Variants in COL4A1 observed in about 807,000 individuals in gnomAD.
The protein encoded by COL4A1 is collagen type IV alpha 1 chain, also known as collagen alpha-1(IV) chain.
In COL4A1, 40 loss-of-function variants were observed where a neutral mutation model predicts 216.6. The observed-to-expected ratio is 0.18, with a 90% CI of 0.14 to 0.24. The LOEUF is 0.24. Ranked by LOEUF, COL4A1 falls within the 10% of genes least tolerant of loss-of-function variation. The pLI is 1.00. For synonymous variants in COL4A1, 839 were observed against 810.7 expected, an observed-to-expected ratio of 1.03 and a Z score of -0.59; for missense variants, 1,628 against 2,196.8, an observed-to-expected ratio of 0.74 and a Z score of 5.18.
rs912236548 is a variant in COL4A1, at chr13:110,174,827, A to G, written c.3199-78T>C. ...CTGTAGGCATGTTATAGATAATGGT[A>G]TACATTTTGGTGCAATGAATATTGC... is the stretch of plus-strand genomic sequence containing the variant. On this transcript the variant is annotated intron_variant, in intron 37 of 51. Transcript: ENST00000375820. 8.8e-6 allele frequency: 12 copies of G among 1,361,498 alleles called. No homozygotes were observed. The East Asian group carries it at 2.1e-4, about 23-fold the overall frequency. 84.3% of individuals were successfully genotyped at this position (1,361,498 alleles called of 1,614,324 possible). A position where few individuals can be genotyped will look rare whatever the true frequency, so the allele number is the denominator to read the frequency against.
At position 110,211,529 on chromosome 13, in the gene COL4A1, G is replaced by A. The variant is rs1341236883; in HGVS notation, c.468+118C>T. 6 of 912,872 alleles carry A rather than the reference G, an allele frequency of 6.6e-6. No homozygotes were observed. The highest frequency in any genetic ancestry group is 1.0e-5 in the Non-Finnish European group (6 of 591,312). 56.5% of individuals were successfully genotyped at this position (912,872 alleles called of 1,614,324 possible). ...TTTTCATGTAACAGAGTTTAGGGAA[G>A]TGTGTTCAGAAACAATCGATCAGCC... On this transcript the variant is annotated intron_variant, in intron 8 of 51. Coordinates refer to ENST00000375820, the MANE Select transcript of COL4A1 (RefSeq NM_001845.6). The surrounding 1 kb of genome is among the most constrained non-coding windows in gnomAD (Gnocchi z 4.3).
At chr13:110,272,580 A>AG (rs939148640) in intron 1 of COL4A1, among the ~76,000 whole-genome samples, 11 of 151,762 alleles carry the variant, frequency 7.2e-5, no homozygotes, top group South Asian at 4.2e-4. Flanking sequence ...CTAAAAGAAA[A>AG]GGGGGGGAAC....
chr13:110,238,201 G>A (rs547370635), intron 2 of COL4A1, among the ~76,000 whole-genome samples: 1 of 152,264 alleles, frequency 6.6e-6, no homozygotes, highest in South Asian at 2.1e-4. Context: ...GTATCAGCAG[G>A]GTTAAAGTAT....
At chr13:110,231,452 C>G (rs998636210) in intron 2 of COL4A1, among the ~76,000 whole-genome samples, 4 of 152,196 alleles carry the variant, frequency 2.6e-5, no homozygotes, top group Non-Finnish European at 4.4e-5. Context: ...TTGGGGCCTG[C>G]GAATGACCGT....
At chr13:110,206,823 G>C in intron 14 of COL4A1, 42 bp downstream of exon 14, 2 of 1,612,818 alleles carry the variant, frequency 1.2e-6, no homozygotes, top group Non-Finnish European at 1.7e-6. Flanking sequence ...AAATCTTTAT[G>C]GTCTTTGACC....
In COL4A1 at chr13:110,150,392, G is replaced by A. The variant is rs1555300086; in HGVS notation, c.4981C>T (p.Arg1661Cys). The change falls in exon 52 of 52, where the codon CGC (arginine) becomes TGC (cysteine). Residue 1661 changes from arginine (R) to cysteine (C), a missense_variant. This residue lies in a region of COL4A1 where 254 missense variants were observed against 300.1 expected (regional missense o/e 0.85). Transcript: ENST00000375820. ...GTTCTTCTCATACAGACTTGGCAGC[G>A]GCTGACGTGCGTGCGCAGCTCCCCT... Reference protein sequence around the residue: ...KAGELRTHVSRCQVCMRRT With the variant: ...KAGELRTHVSCCQVCMRRT 1 of 1,613,980 alleles carries A rather than the reference G, an allele frequency of 6.2e-7. No individual in the cohort carries two copies. The highest frequency in any genetic ancestry group is 8.5e-7 in the Non-Finnish European group (1 of 1,180,000).
chr13:110,209,970 C>T lies in COL4A1; in HGVS notation c.615+10G>A. The T allele has an allele frequency of 3.1e-6, 5 of 1,614,154 alleles. No individual in the cohort carries two copies. The highest frequency in any genetic ancestry group is 4.2e-6 in the Non-Finnish European group (5 of 1,180,018). On this transcript the variant is annotated intron_variant, in intron 10 of 51. Coordinates refer to ENST00000375820, the MANE Select transcript of COL4A1 (RefSeq NM_001845.6). ...ATGATTGCCTCGGAGAGACAGCCCCCAAAACTTACTGGTGGTCCGGTAAAT... is the reference window on the plus strand; with the variant it reads ...ATGATTGCCTCGGAGAGACAGCCCCTAAAACTTACTGGTGGTCCGGTAAAT...
Position 110,170,627 on chromosome 13 carries a change from G to A in COL4A1, c.3662C>T (p.Pro1221Leu), listed in dbSNP as rs761859503. The A allele has an allele frequency of 1.7e-5, 27 of 1,612,820 alleles. No individual in the cohort carries two copies. The highest frequency in any genetic ancestry group is 5.5e-5 in the South Asian group (5 of 90,788). The change falls in exon 42 of 52, where the codon CCG (proline) becomes CTG (leucine). Residue 1221 changes from proline to leucine, a missense_variant. Physicochemically the swap from Pro to Leu is moderately conservative, Grantham distance 98. This residue lies in a region of COL4A1 where 345 missense variants were observed against 476.9 expected (regional missense o/e 0.72). Coordinates refer to ENST00000375820, the MANE Select transcript of COL4A1 (RefSeq NM_001845.6). Reference protein sequence around the residue: ...FMGPPGPQGQPGLPGSPGHAT... With the variant: ...FMGPPGPQGQLGLPGSPGHAT... ...ATGGCCTGGGGATCCCGGTAACCCC[G>A]GCTGTCCCTGGGGCCCCGGAGGACC...
chr13:110,288,835 C>T (rs182166309), intron 1 of COL4A1, among the ~76,000 whole-genome samples: 6 of 152,176 alleles, frequency 3.9e-5, no homozygotes, highest in Admixed American at 1.3e-4. Flanking sequence ...AGTTCCAGAC[C>T]AGCCTGGCCA....
chr13:110,233,025 A>C (rs891580369), intron 2 of COL4A1, among the ~76,000 whole-genome samples: 3 of 152,208 alleles, frequency 2.0e-5, no homozygotes, highest in African/African-American at 7.2e-5. Context: ...AGTGACGTCC[A>C]AGGCATAGGG....
chr13:110,237,086 C>T (rs993158757), intron 2 of COL4A1, among the ~76,000 whole-genome samples: 4 of 152,144 alleles, frequency 2.6e-5, no homozygotes, highest in Non-Finnish European at 4.4e-5. Context: ...CTCCAGCAGT[C>T]CTCCCCGTCC....
rs78966193 is a variant in COL4A1 at position 110,180,047 on chromosome 13, T to C, written c.2194-626A>G. Among the ~76,000 whole-genome samples the C allele has an allele frequency of 2.3e-3, 356 of 152,244 alleles. 2 individuals carry two copies. The highest frequency in any genetic ancestry group is 8.2e-3 in the African/African-American group (340 of 41,552). ...CCATGAAATCACAGGGCTCCACCGG[T>C]GTCCCCTGTCTGCAAATGATATTTC... On this transcript the variant is annotated intron_variant, in intron 29 of 51. Coordinates refer to ENST00000375820, the MANE Select transcript of COL4A1 (RefSeq NM_001845.6).
intron 1 of COL4A1, among the ~76,000 whole-genome samples, chr13:110,296,008 C>A (rs1040790471): frequency 6.6e-6 from 1 of 152,202 alleles, no homozygotes; most frequent in Admixed American, 6.5e-5. Flanking sequence ...TTCAGCCCTG[C>A]GCCTCTCCCA....
intron 26 of COL4A1, among the ~76,000 whole-genome samples, chr13:110,185,172 G>A (rs1009069450): frequency 1.3e-5 from 2 of 152,024 alleles, no homozygotes; most frequent in African/African-American, 4.8e-5. Context: ...TTGAGACGGA[G>A]TCTCACTCTG....
At chr13:110,242,854 G>T in intron 1 of COL4A1, 120 bp from the exon 2 acceptor site, 1 of 1,093,164 alleles carries the variant, frequency 9.1e-7, no homozygotes, top group Non-Finnish European at 1.4e-6. Flanking sequence ...CTGTCCTTCG[G>T]ACACAATCTT....
At chr13:110,226,852 G>A (rs1880758107) in intron 2 of COL4A1, among the ~76,000 whole-genome samples, 1 of 152,150 alleles carries the variant, frequency 6.6e-6, no homozygotes, top group Non-Finnish European at 1.5e-5. Context: ...TTTTAAAACT[G>A]AATAGATAAG....
intron 12 of COL4A1, 79 bp downstream of exon 12, chr13:110,208,770 C>CATTG: frequency 7.6e-7 from 1 of 1,320,246 alleles, no homozygotes; most frequent in South Asian, 1.2e-5. Flanking sequence ...AGAGTCCAGA[C>CATTG]ATTGATCCAA....
chr13:110,175,139 G>C (rs1481785490), intron 37 of COL4A1, 79 bp downstream of exon 37: 28 of 1,560,580 alleles, frequency 1.8e-5, no homozygotes, highest in Non-Finnish European at 2.1e-5. Flanking sequence ...AGTGTGCTGA[G>C]ATATTTGCTG....
intron 1 of COL4A1, among the ~76,000 whole-genome samples, chr13:110,253,820 T>C (rs1882386157): frequency 2.1e-5 from 3 of 143,912 alleles, no homozygotes. Context: ...ATTATACGTA[T>C]GTATGTATTA....
Sources: gnomAD v4.1 joint callset for allele counts (sites outside exome capture counted in the v4.1 genomes callset) on GRCh38, gnomAD v4.1.1 for gene constraint, gnomAD v4.1.1 regional missense constraint, Gnocchi (gnomAD v3.1) non-coding constraint, MANE v1.5 for transcripts, NCBI Gene and HGNC (gene_info 2026-07-23, HGNC 2026-07-21) for gene names.